The following ROBO1 variants were observed in gnomAD, a reference collection of about 807,000 sequenced individuals.
ROBO1 encodes roundabout guidance receptor 1, also known as roundabout homolog 1.
Under a neutral mutation model 195.9 loss-of-function variants are expected in ROBO1, and 149 were observed. The ratio of observed to expected loss-of-function variants is 0.76; its 90% CI spans 0.67 to 0.87. The LOEUF (loss-of-function observed/expected upper bound fraction) is 0.87, where lower values mean the gene tolerates loss of function less well. Among genes scored for constraint, ROBO1 ranks in the 40% least tolerant of loss-of-function variants. The pLI, the probability that ROBO1 is intolerant of heterozygous loss-of-function variation, is 0.00. For synonymous variants in ROBO1, 816 were observed against 733.2 expected (o/e 1.11, Z -1.82); for missense variants, 1,933 against 2,068.3 (o/e 0.93, Z 1.27).
At chr3:79,739,311 A>G (rs776269690) in intron 1 of ROBO1, among the ~76,000 whole-genome samples, 150 of 152,080 alleles carry the variant, frequency 9.9e-4, no homozygotes, top group Non-Finnish European at 1.9e-3. Context: ...GACCAAAATG[A>G]TATCTGGAAA....
chr3:79,401,388 G>A (rs2037360387), intron 2 of ROBO1, among the ~76,000 whole-genome samples: 1 of 151,776 alleles, frequency 6.6e-6, no homozygotes, highest in Admixed American at 6.6e-5. Flanking sequence ...TTTGCTGATT[G>A]AACCACTCAA....
chr3:78,761,282 G>A (rs1478880569), intron 4 of ROBO1, among the ~76,000 whole-genome samples: 1 of 151,686 alleles, frequency 6.6e-6, no homozygotes, highest in Non-Finnish European at 1.5e-5. Context: ...ATACAAAGAT[G>A]TTTCAGTTTC....
chr3:78,962,803 GAC>G (rs1344677925), intron 3 of ROBO1, among the ~76,000 whole-genome samples: 2 of 117,884 alleles, frequency 1.7e-5, no homozygotes, highest in Non-Finnish European at 3.2e-5. Context: ...CAGCCTGGGC[GAC>G]AGAGTGAGAC....
intron 26 of ROBO1, among the ~76,000 whole-genome samples, chr3:78,625,062 G>A (rs1704678718): frequency 6.6e-6 from 1 of 152,120 alleles, no homozygotes; most frequent in Non-Finnish European, 1.5e-5. Context: ...TCTGAATGGG[G>A]GAACATTACC....
chr3:78,765,311 C>T (rs2083202896), intron 4 of ROBO1, among the ~76,000 whole-genome samples: 1 of 151,874 alleles, frequency 6.6e-6, no homozygotes, highest in Non-Finnish European at 1.5e-5. Flanking sequence ...TTCAAAGATT[C>T]ATTCATTTGT....
intron 2 of ROBO1, among the ~76,000 whole-genome samples, chr3:79,472,801 A>G (rs944102707): frequency 6.6e-6 from 1 of 152,188 alleles, no homozygotes; most frequent in Admixed American, 6.6e-5. Context: ...GAAGACAATC[A>G]TTAAAAAAGG....
At chr3:79,506,031 A>C (rs984272125) in intron 2 of ROBO1, among the ~76,000 whole-genome samples, 1 of 152,190 alleles carries the variant, frequency 6.6e-6, no homozygotes, top group South Asian at 2.1e-4. Context: ...GTTAATGTTA[A>C]GCCTGGACTG....
chr3:79,672,896 G>A (rs1277305990), intron 1 of ROBO1, among the ~76,000 whole-genome samples: 1 of 151,954 alleles, frequency 6.6e-6, no homozygotes, highest in Non-Finnish European at 1.5e-5. Context: ...ACAGCATGTG[G>A]ATGCCAAGAT....
chr3:79,708,705 A>G (rs1471220508), intron 1 of ROBO1, among the ~76,000 whole-genome samples: 1 of 152,186 alleles, frequency 6.6e-6, no homozygotes, highest in South Asian at 2.1e-4. Context: ...TCTACAAAAT[A>G]TTAAAAAGAA....
intron 1 of ROBO1, among the ~76,000 whole-genome samples, chr3:79,759,295 G>A (rs892986931): frequency 5.3e-5 from 8 of 152,088 alleles, no homozygotes; most frequent in African/African-American, 1.9e-4. Flanking sequence ...AACATTTTGT[G>A]CTTGGATTAA....
intron 1 of ROBO1, among the ~76,000 whole-genome samples, chr3:79,672,373 C>T (rs1430739008): frequency 1.3e-5 from 2 of 151,822 alleles, no homozygotes; most frequent in African/African-American, 2.4e-5. Context: ...AATTTACATT[C>T]TTCATTTGGG....
At chr3:79,250,724 T>A (rs1451299205) in intron 2 of ROBO1, among the ~76,000 whole-genome samples, 1 of 152,202 alleles carries the variant, frequency 6.6e-6, no homozygotes, top group East Asian at 1.9e-4. Flanking sequence ...CTAATAATTT[T>A]AATATATAAA....
intron 2 of ROBO1, among the ~76,000 whole-genome samples, chr3:79,321,581 G>C (rs535553745): frequency 1.3e-5 from 2 of 152,162 alleles, no homozygotes; most frequent in Non-Finnish European, 2.9e-5. Context: ...AGAATTGCAA[G>C]AGGATGAAGT....
intron 2 of ROBO1, among the ~76,000 whole-genome samples, chr3:79,152,694 A>G (rs2080794240): frequency 6.6e-6 from 1 of 151,800 alleles, no homozygotes. Flanking sequence ...GAGGAATCTG[A>G]CAAGAAACCG....
chr3:78,661,957 T>C, intron 15 of ROBO1, 36 bp downstream of exon 15: 1 of 1,596,414 alleles, frequency 6.3e-7, no homozygotes, highest in Non-Finnish European at 8.5e-7. Flanking sequence ...TCGCAGACGC[T>C]TATTAAAACT....
intron 3 of ROBO1, among the ~76,000 whole-genome samples, chr3:79,027,604 T>C (rs1346162000): frequency 6.6e-6 from 1 of 152,022 alleles, no homozygotes; most frequent in Non-Finnish European, 1.5e-5. Context: ...AAAACTGACA[T>C]AGAATATAAA....
chr3:78,997,165 G>A (rs78916781), intron 3 of ROBO1, among the ~76,000 whole-genome samples: 3,600 of 152,246 alleles, frequency 0.024, 142 homozygotes, highest in African/African-American at 0.08. Context: ...GACAAACCCA[G>A]ATAGAGTTTT....
chr3:78,839,620 T>C (rs1360248498), intron 4 of ROBO1, among the ~76,000 whole-genome samples: 1 of 152,154 alleles, frequency 6.6e-6, no homozygotes, highest in Non-Finnish European at 1.5e-5. Context: ...CTTTCATTAG[T>C]AACAAATCCA....
chr3:79,454,268 G>T (rs1007148091), intron 2 of ROBO1, among the ~76,000 whole-genome samples: 5 of 151,356 alleles, frequency 3.3e-5, no homozygotes, highest in South Asian at 2.1e-4. Context: ...CTGTTACCAA[G>T]AAATAAAGAT....
Sources: gnomAD v4.1 joint callset for allele counts (sites outside exome capture counted in the v4.1 genomes callset) on GRCh38, gnomAD v4.1.1 for gene constraint, MANE v1.5 for transcripts, NCBI Gene and HGNC (gene_info 2026-07-23, HGNC 2026-07-21) for gene names.